The following GRIK4 variants were observed in gnomAD, a reference collection of about 807,000 sequenced individuals.
The protein encoded by GRIK4 is glutamate ionotropic receptor kainate type subunit 4, also known as glutamate receptor ionotropic, kainate 4.
Under a neutral mutation model 104.9 loss-of-function variants are expected in GRIK4, and 40 were observed. The observed-to-expected ratio is 0.38, with a 90% CI of 0.30 to 0.50. The LOEUF is 0.50. Among genes scored for constraint, GRIK4 ranks in the 20% least tolerant of loss-of-function variants. The probability of loss-of-function intolerance (pLI) is 0.93; values close to 1 mark genes in which losing one functional copy is unlikely to be tolerated. For synonymous variants in GRIK4, 485 were observed against 524.9 expected (o/e 0.92, Z 1.04); for missense variants, 1,047 against 1,308.1 (o/e 0.80, Z 3.08).
At position 120,819,599 on chromosome 11, in the gene GRIK4, G is replaced by A. The variant is rs766311101; in HGVS notation, c.346-156G>A. Among the ~76,000 whole-genome samples the A allele has an allele frequency of 6.6e-5, 10 of 152,114 alleles. No homozygotes were observed. Among genetic ancestry groups the A allele is most frequent in the Non-Finnish European group, 1.0e-4 (7 of 68,036 alleles). On this transcript the variant is annotated intron_variant, in intron 5 of 20. Transcript: ENST00000527524. This position sits in a 1 kb window ranked among gnomAD's most constrained non-coding sequence, Gnocchi z 4.3. Reference sequence around the variant, plus strand: ...ATGTCATCGCTCGTCTTCCTCCCACGGAGTGGGTGCCCTGGGAGCTCCTTC... The same window carrying A: ...ATGTCATCGCTCGTCTTCCTCCCACAGAGTGGGTGCCCTGGGAGCTCCTTC...
At chr11:120,850,303 AGT>A (rs1018465552) in intron 8 of GRIK4, among the ~76,000 whole-genome samples, 6 of 151,428 alleles carry the variant, frequency 4.0e-5, no homozygotes, top group Admixed American at 2.0e-4. Context: ...AGTCCTGGGG[AGT>A]GTGTGTGTGT....
intron 8 of GRIK4, among the ~76,000 whole-genome samples, chr11:120,843,299 T>C (rs1953765436): frequency 6.6e-6 from 1 of 152,212 alleles, no homozygotes. Context: ...AGAATGCTAT[T>C]TGTGGGGTGT....
intron 1 of GRIK4, among the ~76,000 whole-genome samples, chr11:120,644,769 G>C (rs926425872): frequency 1.3e-5 from 2 of 152,328 alleles, no homozygotes; most frequent in East Asian, 3.9e-4. Context: ...GACGATCAAA[G>C]ACAAGGATTG....
At chr11:120,597,483 G>T (rs996164458) in intron 1 of GRIK4, among the ~76,000 whole-genome samples, 3 of 152,146 alleles carry the variant, frequency 2.0e-5, no homozygotes, top group Non-Finnish European at 4.4e-5. Flanking sequence ...ACCGAGCCCC[G>T]GGCGCCCCCA....
At chr11:120,620,208 T>C (rs1193103239) in intron 1 of GRIK4, 1 of 789,444 alleles carries the variant, frequency 1.3e-6, no homozygotes, top group Non-Finnish European at 2.3e-6. Flanking sequence ...ATGATATCAA[T>C]TTGACATACA....
intron 6 of GRIK4, among the ~76,000 whole-genome samples, chr11:120,825,006 C>A (rs912718128): frequency 1.2e-4 from 18 of 152,024 alleles, no homozygotes; most frequent in African/African-American, 3.6e-4. Context: ...CTCACTGCAA[C>A]CTCTGCTTCC....
At chr11:120,780,700 C>G (rs1952138334) in intron 3 of GRIK4, among the ~76,000 whole-genome samples, 1 of 152,048 alleles carries the variant, frequency 6.6e-6, no homozygotes, top group Admixed American at 6.6e-5. Context: ...TGAGGCCTTA[C>G]ATTATCCGGG....
At chr11:120,558,017 C>CAA (rs59960959) in intron 1 of GRIK4, among the ~76,000 whole-genome samples, 403 of 38,558 alleles carry the variant, frequency 0.01, no homozygotes, top group East Asian at 0.013. Flanking sequence ...GACTCCGTCT[C>CAA]AAAAAAAAAA....
Position 120,707,035 on chromosome 11 carries a change from GGGACAACCACACAGAGCCTT to G in GRIK4, c.82+46636_82+46655del, listed in dbSNP as rs573031530. 2.6e-5 allele frequency among the ~76,000 whole-genome samples: 4 copies of G among 152,288 alleles called. No individual in the cohort carries two copies. The South Asian group carries it at 8.3e-4, about 32-fold the overall frequency. ...GATTCTGCAGCACCTCAGAGCTCCTGGGACAACCACACAGAGCCTTTTTGTTTTCATCAACATTGAACGAC... is the reference window on the plus strand; with the variant it reads ...GATTCTGCAGCACCTCAGAGCTCCTGTTTGTTTTCATCAACATTGAACGAC... On this transcript the variant is annotated intron_variant, in intron 3 of 20. Coordinates refer to ENST00000527524, the MANE Select transcript of GRIK4 (RefSeq NM_014619.5).
At chr11:120,899,153 A>G (rs1942664412) in intron 12 of GRIK4, among the ~76,000 whole-genome samples, 1 of 152,202 alleles carries the variant, frequency 6.6e-6, no homozygotes, top group Non-Finnish European at 1.5e-5. Flanking sequence ...GCAGTGGCTC[A>G]TGCCTGTAGT....
intron 3 of GRIK4, among the ~76,000 whole-genome samples, chr11:120,769,626 G>A (rs1453960160): frequency 1.3e-5 from 2 of 152,148 alleles, no homozygotes; most frequent in Non-Finnish European, 2.9e-5. Context: ...AAAACAGGTG[G>A]CAGGCTAGAT....
At chr11:120,897,296 G>A (rs1202821271) in intron 11 of GRIK4, among the ~76,000 whole-genome samples, 1 of 151,912 alleles carries the variant, frequency 6.6e-6, no homozygotes, top group African/African-American at 2.4e-5. Context: ...TTGAGACAAT[G>A]AGACAGACAA....
chr11:120,949,183 AG>A (rs1163230544), intron 14 of GRIK4, among the ~76,000 whole-genome samples: 2 of 152,144 alleles, frequency 1.3e-5, no homozygotes, highest in Non-Finnish European at 2.9e-5. Flanking sequence ...TGGGCATGAA[AG>A]GGGGGTTTAA....
At chr11:120,971,439 CCTTAT>C (rs944351280) in intron 19 of GRIK4, among the ~76,000 whole-genome samples, 6 of 152,326 alleles carry the variant, frequency 3.9e-5, no homozygotes, top group Admixed American at 3.3e-4. Flanking sequence ...GTCTGGAAAG[CCTTAT>C]CTTATGATTG....
At chr11:120,658,516 C>T (rs1949750313) in intron 2 of GRIK4, among the ~76,000 whole-genome samples, 1 of 152,056 alleles carries the variant, frequency 6.6e-6, no homozygotes, top group Non-Finnish European at 1.5e-5. Context: ...CCAATTTGTC[C>T]ACATCCTTGC....
intron 6 of GRIK4, 24 bp from the exon 7 acceptor site, chr11:120,831,828 G>A: frequency 6.3e-7 from 1 of 1,598,862 alleles, no homozygotes; most frequent in Non-Finnish European, 8.6e-7. Flanking sequence ...GACCCTCAGG[G>A]GCTTCATCCT....
intron 1 of GRIK4, among the ~76,000 whole-genome samples, chr11:120,548,844 G>A (rs933391260): frequency 6.6e-6 from 1 of 152,174 alleles, no homozygotes; most frequent in African/African-American, 2.4e-5. Flanking sequence ...AGAAGGGGCC[G>A]AATCTGCAGG....
At chr11:120,792,808 G>C (rs1952427168) in intron 3 of GRIK4, among the ~76,000 whole-genome samples, 1 of 152,176 alleles carries the variant, frequency 6.6e-6, no homozygotes, top group Non-Finnish European at 1.5e-5. Flanking sequence ...TACGTTCATG[G>C]AGATGTCACC....
At position 120,986,007 on chromosome 11, in the gene GRIK4, C is replaced by T; in HGVS notation, c.2618C>T (p.Pro873Leu). The T allele has an allele frequency of 2.0e-6, 3 of 1,529,146 alleles. No individual in the cohort carries two copies. The highest frequency in any genetic ancestry group is 2.6e-6 in the Non-Finnish European group (3 of 1,138,872). 94.7% of individuals were successfully genotyped at this position (1,529,146 alleles called of 1,614,324 possible). A position where few individuals can be genotyped will look rare whatever the true frequency, so the allele number is the denominator to read the frequency against. Residue 873 changes from proline (P) to leucine (L), a missense_variant, in exon 21 of 21, where the codon CCC becomes CTC. Pro to Leu is a moderately conservative substitution (Grantham distance 98). Around this residue, in one of 3 missense-constraint regions of GRIK4, gnomAD observed 160 missense variants for 140.9 expected, o/e 1.14. Transcript: ENST00000527524. Reference sequence around the variant, plus strand: ...CGCGCCGCAGTCCCGCCGCCCCGGCCCCCCATCCCCGAGGAGCGCCGACCG... The same window carrying T: ...CGCGCCGCAGTCCCGCCGCCCCGGCTCCCCATCCCCGAGGAGCGCCGACCG... ...RRRAAVPPPR[P>L]PIPEERRPRG...
Sources: allele counts gnomAD v4.1 joint callset (sites outside exome capture counted in the v4.1 genomes callset), GRCh38; gene constraint gnomAD v4.1.1; regional missense constraint gnomAD v4.1.1; non-coding constraint Gnocchi (gnomAD v3.1); transcripts MANE v1.5; gene names NCBI Gene and HGNC (gene_info 2026-07-23, HGNC 2026-07-21).